The following CNTNAP2 variants were observed in gnomAD, a reference collection of about 807,000 sequenced individuals.
The protein encoded by CNTNAP2 is contactin associated protein 2.
Under a neutral mutation model 155.2 loss-of-function variants are expected in CNTNAP2, and 98 were observed. The ratio of observed to expected loss-of-function variants is 0.63; its 90% confidence interval spans 0.54 to 0.75. CNTNAP2 has a LOEUF of 0.75. CNTNAP2 is among the 30% of genes least tolerant of loss of function. CNTNAP2 has a pLI of 0.00. For synonymous variants in CNTNAP2, 651 were observed against 631.2 expected, an observed-to-expected ratio of 1.03 and a Z score of -0.47; for missense variants, 1,727 against 1,688.1, an observed-to-expected ratio of 1.02 and a Z score of -0.40.
intron 3 of CNTNAP2, among the ~76,000 whole-genome samples, chr7:146,928,766 G>A (rs539800284): frequency 2.0e-4 from 30 of 152,294 alleles, no homozygotes; most frequent in South Asian, 1.7e-3. Context: ...CTTAAAAAGC[G>A]GTGCACCAGG....
At chr7:146,956,997 C>T (rs1797450123) in intron 3 of CNTNAP2, among the ~76,000 whole-genome samples, 1 of 152,128 alleles carries the variant, frequency 6.6e-6, no homozygotes. Context: ...GGAGATTTCT[C>T]ATCATGTGAG....
At chr7:148,232,292 C>T (rs930592031) in intron 20 of CNTNAP2, among the ~76,000 whole-genome samples, 1 of 152,236 alleles carries the variant, frequency 6.6e-6, no homozygotes, top group African/African-American at 2.4e-5. Context: ...GGAGGCCTTG[C>T]AGACGTGGAA....
At chr7:146,787,414 G>C (rs1311024419) in intron 2 of CNTNAP2, among the ~76,000 whole-genome samples, 1 of 152,126 alleles carries the variant, frequency 6.6e-6, no homozygotes, top group East Asian at 1.9e-4. Context: ...CCTTCTGGCG[G>C]GTTCGTGGTC....
At chr7:146,299,088 A>G (rs796692934) in intron 1 of CNTNAP2, among the ~76,000 whole-genome samples, 7 of 152,136 alleles carry the variant, frequency 4.6e-5, no homozygotes, top group African/African-American at 1.7e-4. Context: ...CCTGGCCAAG[A>G]TGGTGAAACC....
Position 147,691,635 on chromosome 7 carries a change from G to A in CNTNAP2, c.2098+52329G>A, listed in dbSNP as rs540489572. 9.9e-5 allele frequency among the ~76,000 whole-genome samples: 15 copies of A among 152,236 alleles called. No individual in the cohort carries two copies. In the South Asian group the frequency reaches 2.7e-3, roughly 27 times the overall value. On this transcript the variant is annotated intron_variant, in intron 13 of 23. Coordinates refer to ENST00000361727, the MANE Select transcript of CNTNAP2 (RefSeq NM_014141.6). ...TGCGGTGTCAAGAGCATAGATACTA[G>A]TAAAGTGTAGTAAAATCCGTTAACT...
chr7:146,396,796 T>C (rs1016976435), intron 1 of CNTNAP2, among the ~76,000 whole-genome samples: 26 of 151,642 alleles, frequency 1.7e-4, no homozygotes, highest in African/African-American at 5.8e-4. Context: ...CTAAATATTT[T>C]ATTTTTTAAA....
intron 8 of CNTNAP2, among the ~76,000 whole-genome samples, chr7:147,272,046 C>T (rs1267352548): frequency 1.3e-5 from 2 of 152,064 alleles, no homozygotes; most frequent in South Asian, 4.1e-4. Context: ...GTGCCCACCA[C>T]CAAACCCAGT....
intron 1 of CNTNAP2, among the ~76,000 whole-genome samples, chr7:146,511,638 A>G (rs1474447568): frequency 6.6e-6 from 1 of 152,232 alleles, no homozygotes; most frequent in Non-Finnish European, 1.5e-5. Flanking sequence ...TCATTTGATC[A>G]TGATGAATGA....
At position 147,114,699 on chromosome 7, in the gene CNTNAP2, G is replaced by A. The variant is rs558820399; in HGVS notation, c.755-6280G>A. Among the ~76,000 whole-genome samples, 3 of 152,236 alleles carry A rather than the reference G, an allele frequency of 2.0e-5. No homozygotes were observed. The South Asian group carries it at 6.2e-4, about 32-fold the overall frequency. On this transcript the variant is annotated intron_variant, in intron 5 of 23. Coordinates refer to ENST00000361727, the MANE Select transcript of CNTNAP2 (RefSeq NM_014141.6). ...TCCATCCTTTATTTTGAGCTTATGTGTGTGTTTGCATGTGAGATGGGTCTC... is the reference window on the plus strand; with the variant it reads ...TCCATCCTTTATTTTGAGCTTATGTATGTGTTTGCATGTGAGATGGGTCTC...
intron 16 of CNTNAP2, among the ~76,000 whole-genome samples, chr7:148,131,538 G>A (rs1376278547): frequency 6.6e-6 from 1 of 152,142 alleles, no homozygotes; most frequent in East Asian, 1.9e-4. Flanking sequence ...CCCTCTAAGA[G>A]AAGAAATCAA....
chr7:146,397,014 A>G (rs1383394018), intron 1 of CNTNAP2, among the ~76,000 whole-genome samples: 3 of 152,100 alleles, frequency 2.0e-5, no homozygotes, highest in African/African-American at 7.2e-5. Flanking sequence ...TTTTTCTCAC[A>G]ATTTATAATG....
chr7:147,527,443 T>C (rs1372733975), intron 11 of CNTNAP2, among the ~76,000 whole-genome samples: 1 of 152,202 alleles, frequency 6.6e-6, no homozygotes, highest in African/African-American at 2.4e-5. Flanking sequence ...GCTTAAGTCC[T>C]CTCAGTATGC....
intron 17 of CNTNAP2, among the ~76,000 whole-genome samples, chr7:148,169,967 A>AG (rs1180279014): frequency 6.6e-6 from 1 of 152,064 alleles, no homozygotes; most frequent in Non-Finnish European, 1.5e-5. Context: ...CTCAAAAAAA[A>AG]AAAGTTTCAT....
At chr7:146,233,242 C>A (rs73739588) in intron 1 of CNTNAP2, among the ~76,000 whole-genome samples, 4,819 of 152,120 alleles carry the variant, frequency 0.032, 248 homozygotes, top group African/African-American at 0.11. Context: ...AGATTTGACT[C>A]TTCCATAAAG....
intron 12 of CNTNAP2, among the ~76,000 whole-genome samples, chr7:147,615,365 C>T (rs1464175888): frequency 6.7e-6 from 1 of 149,098 alleles, no homozygotes; most frequent in Non-Finnish European, 1.5e-5. Flanking sequence ...CCTGTAATCC[C>T]AGCACGTTGG....
chr7:147,055,063 TAAAG>T (rs1396843045), intron 4 of CNTNAP2, among the ~76,000 whole-genome samples: 2 of 152,146 alleles, frequency 1.3e-5, no homozygotes, highest in Non-Finnish European at 2.9e-5. Flanking sequence ...TCTCAAGAAT[TAAAG>T]AAAGCATTCA....
At chr7:148,102,045 G>A (rs983968603) in intron 15 of CNTNAP2, among the ~76,000 whole-genome samples, 45 of 152,090 alleles carry the variant, frequency 3.0e-4, no homozygotes, top group African/African-American at 5.1e-4. Context: ...CTCGTGTGAC[G>A]GGGGGTTGTT....
chr7:146,502,140 C>T (rs1797309398), intron 1 of CNTNAP2, among the ~76,000 whole-genome samples: 1 of 148,698 alleles, frequency 6.7e-6, no homozygotes, highest in Non-Finnish European at 1.5e-5. Context: ...ACCATAATGT[C>T]TATTTCCATC....
chr7:147,357,717 T>C (rs764632022), intron 9 of CNTNAP2, among the ~76,000 whole-genome samples: 2 of 152,120 alleles, frequency 1.3e-5, no homozygotes, highest in Non-Finnish European at 2.9e-5. Flanking sequence ...GTCATGATAC[T>C]GTCCATCTAG....
Sources: gnomAD v4.1 joint callset for allele counts (sites outside exome capture counted in the v4.1 genomes callset) on GRCh38, gnomAD v4.1.1 for gene constraint, MANE v1.5 for transcripts, NCBI Gene and HGNC (gene_info 2026-07-23, HGNC 2026-07-21) for gene names.